MAPK4: variants seen among roughly 807,000 people sequenced by gnomAD.
The protein encoded by MAPK4 is Erk3-related.
MAPK4 carries 22 observed loss-of-function variants against 47.7 expected under a neutral mutation model. The ratio of observed to expected loss-of-function variants is 0.46; its 90% CI spans 0.33 to 0.66. The LOEUF (loss-of-function observed/expected upper bound fraction) is 0.66, where lower values mean the gene tolerates loss of function less well. Ranked by LOEUF, MAPK4 falls within the 30% of genes least tolerant of loss-of-function variation. The pLI is 0.02. For synonymous variants in MAPK4, 390 were observed against 365.7 expected, an observed-to-expected ratio of 1.07 and a Z score of -0.76; for missense variants, 736 against 831.7, an observed-to-expected ratio of 0.88 and a Z score of 1.42.
chr18:50,696,255 C>T (rs1909509216), intron 2 of MAPK4, among the ~76,000 whole-genome samples: 1 of 152,198 alleles, frequency 6.6e-6, no homozygotes, highest in South Asian at 2.1e-4. Flanking sequence ...ATCAAATACT[C>T]ATTGTGGGAA....
chr18:50,597,753 G>T (rs142002001), intron 1 of MAPK4, among the ~76,000 whole-genome samples: 2,022 of 152,270 alleles, frequency 0.013, 12 homozygotes, highest in Non-Finnish European at 0.019. Flanking sequence ...GATTATCTCT[G>T]GGGCTCCAGC....
intron 1 of MAPK4, among the ~76,000 whole-genome samples, chr18:50,578,837 C>G (rs949710505): frequency 1.3e-5 from 2 of 152,050 alleles, no homozygotes; most frequent in African/African-American, 4.8e-5. Flanking sequence ...CAAACATGGG[C>G]AGGAGGGAGT....
chr18:50,636,823 C>T (rs962448442), intron 1 of MAPK4, among the ~76,000 whole-genome samples: 6 of 152,116 alleles, frequency 3.9e-5, no homozygotes, highest in African/African-American at 9.7e-5. Context: ...TAGTGTCTTA[C>T]GTCACTCAGA....
At chr18:50,572,574 C>G (rs1470529292) in intron 1 of MAPK4, among the ~76,000 whole-genome samples, 3 of 152,120 alleles carry the variant, frequency 2.0e-5, no homozygotes, top group African/African-American at 4.8e-5. Context: ...AGCAGTCTTT[C>G]TTCTGAGATT....
intron 2 of MAPK4, among the ~76,000 whole-genome samples, chr18:50,698,518 C>G (rs1005184100): frequency 6.6e-6 from 1 of 152,124 alleles, no homozygotes; most frequent in African/African-American, 2.4e-5. Flanking sequence ...GTAGCTAAAA[C>G]TTCTCAGAAA....
chr18:50,624,272 G>C (rs552981342), intron 1 of MAPK4, among the ~76,000 whole-genome samples: 1 of 152,170 alleles, frequency 6.6e-6, no homozygotes, highest in Non-Finnish European at 1.5e-5. Context: ...TGTATGGCCT[G>C]TTGCACAAAT....
intron 1 of MAPK4, among the ~76,000 whole-genome samples, chr18:50,660,815 T>TAA (rs1173691643): frequency 6.6e-6 from 1 of 152,112 alleles, no homozygotes; most frequent in East Asian, 1.9e-4. Context: ...AGAGTCTATT[T>TAA]AGCAGCCCAC....
intron 1 of MAPK4, among the ~76,000 whole-genome samples, chr18:50,661,312 C>T (rs1217059711): frequency 6.6e-6 from 1 of 152,154 alleles, no homozygotes; most frequent in Non-Finnish European, 1.5e-5. Context: ...TCTTTGATTC[C>T]CCTGAGTTAG....
At chr18:50,576,260 G>A (rs756858555) in intron 1 of MAPK4, among the ~76,000 whole-genome samples, 8 of 152,110 alleles carry the variant, frequency 5.3e-5, no homozygotes, top group Non-Finnish European at 7.3e-5. Context: ...ATTAACAATG[G>A]GCCAGATAAA....
intron 1 of MAPK4, among the ~76,000 whole-genome samples, chr18:50,641,358 A>T (rs532425445): frequency 3.9e-5 from 6 of 152,226 alleles, no homozygotes; most frequent in Admixed American, 3.9e-4. Flanking sequence ...TAGATTTTAA[A>T]TTGTGTTTAA....
At chr18:50,570,457 A>C (rs948702285) in intron 1 of MAPK4, among the ~76,000 whole-genome samples, 1 of 152,196 alleles carries the variant, frequency 6.6e-6, no homozygotes, top group African/African-American at 2.4e-5. Context: ...TGAGGCAGGA[A>C]GATGTTTTCT....
rs1452772007 is a variant in MAPK4, at chr18:50,730,724, C to G, written c.*870C>G. ...GCAAAGACACAGCCCTCTTTCCCCA[C>G]TGGGCGTCCTACCCCAGTGAGGTTG... On this transcript the variant is annotated 3_prime_UTR_variant, in exon 6 of 6. Coordinates refer to ENST00000400384, the MANE Select transcript of MAPK4 (RefSeq NM_002747.4). 6.6e-6 allele frequency: 1 copy of G among 152,536 alleles called. No homozygotes were observed. Among genetic ancestry groups the G allele is most frequent in the Non-Finnish European group, 1.5e-5 (1 of 68,056 alleles). 9.4% of individuals were successfully genotyped at this position (152,536 alleles called of 1,614,324 possible).
chr18:50,601,641 C>G (rs1036752833), intron 1 of MAPK4, among the ~76,000 whole-genome samples: 1 of 152,188 alleles, frequency 6.6e-6, no homozygotes, highest in African/African-American at 2.4e-5. Flanking sequence ...ATGCACCTCT[C>G]CAGTACTGCA....
At chr18:50,593,893 A>G (rs150226030) in intron 1 of MAPK4, among the ~76,000 whole-genome samples, 99 of 152,342 alleles carry the variant, frequency 6.5e-4, no homozygotes, top group African/African-American at 2.3e-3. Flanking sequence ...TGGCTCACAC[A>G]ATCACAAGGC....
At chr18:50,567,819 G>A (rs1568029433) in intron 1 of MAPK4, among the ~76,000 whole-genome samples, 1 of 145,464 alleles carries the variant, frequency 6.9e-6, no homozygotes, top group Non-Finnish European at 1.5e-5. Context: ...TGAGTGTAGT[G>A]TTTTTTTAAA....
At chr18:50,573,848 C>CT (rs1375050410) in intron 1 of MAPK4, among the ~76,000 whole-genome samples, 1 of 152,146 alleles carries the variant, frequency 6.6e-6, no homozygotes, top group African/African-American at 2.4e-5. Flanking sequence ...TTTTCAAGTC[C>CT]TCTTATACCA....
chr18:50,634,861 C>A (rs1404379316), intron 1 of MAPK4, among the ~76,000 whole-genome samples: 1 of 152,190 alleles, frequency 6.6e-6, no homozygotes, highest in Non-Finnish European at 1.5e-5. Flanking sequence ...TGTAATGAGA[C>A]TCAAGCCACA....
At chr18:50,648,416 G>A (rs2043012189) in intron 1 of MAPK4, among the ~76,000 whole-genome samples, 1 of 152,132 alleles carries the variant, frequency 6.6e-6, no homozygotes, top group Non-Finnish European at 1.5e-5. Flanking sequence ...TTGTGTGTGA[G>A]GAACCTGTGG....
intron 1 of MAPK4, among the ~76,000 whole-genome samples, chr18:50,603,324 A>G (rs772742228): frequency 6.6e-6 from 1 of 152,188 alleles, no homozygotes; most frequent in Non-Finnish European, 1.5e-5. Context: ...AAGTGGCTGC[A>G]TTAGGGACCT....
Sources: gnomAD v4.1 joint callset for allele counts (sites outside exome capture counted in the v4.1 genomes callset) on GRCh38, gnomAD v4.1.1 for gene constraint, MANE v1.5 for transcripts, NCBI Gene and HGNC (gene_info 2026-07-23, HGNC 2026-07-21) for gene names.